The following ADK variants were observed in gnomAD, a reference collection of about 807,000 sequenced individuals.
ADK encodes N6,N6-dimethyladenosine kinase.
ADK carries 24 observed loss-of-function variants against 44.7 expected under a neutral mutation model. The ratio of observed to expected loss-of-function variants is 0.54; its 90% confidence interval spans 0.39 to 0.76. The LOEUF (loss-of-function observed/expected upper bound fraction) is 0.76. Among genes scored for constraint, ADK ranks in the 30% least tolerant of loss-of-function variants. ADK has a pLI of 0.00. For synonymous variants in ADK, 128 were observed against 142.6 expected (o/e 0.90, Z 0.73); for missense variants, 321 against 425.1 (o/e 0.76, Z 2.15).
At chr10:74,401,850 A>G (rs1353388043) in intron 6 of ADK, among the ~76,000 whole-genome samples, 1 of 152,122 alleles carries the variant, frequency 6.6e-6, no homozygotes, top group Admixed American at 6.5e-5. Flanking sequence ...GGTCTTTACA[A>G]TGTAGCATGT....
chr10:74,408,712 C>A (rs1397261642), intron 6 of ADK, among the ~76,000 whole-genome samples: 2 of 151,856 alleles, frequency 1.3e-5, no homozygotes, highest in Non-Finnish European at 2.9e-5. Flanking sequence ...TGTATTCTTA[C>A]AATAAATTAA....
intron 6 of ADK, among the ~76,000 whole-genome samples, chr10:74,467,457 A>ATT (rs1472623960): frequency 6.6e-6 from 1 of 152,132 alleles, no homozygotes; most frequent in African/African-American, 2.4e-5. Context: ...CGTGTCTTTG[A>ATT]TTTCGTAGTT....
intron 10 of ADK, among the ~76,000 whole-genome samples, chr10:74,683,731 A>G (rs765591511): frequency 6.6e-5 from 10 of 152,266 alleles, no homozygotes; most frequent in Non-Finnish European, 1.0e-4. Flanking sequence ...GCATTATTCA[A>G]TTGAAACAAG....
intron 7 of ADK, among the ~76,000 whole-genome samples, chr10:74,568,653 T>A (rs915330320): frequency 2.0e-5 from 3 of 151,584 alleles, no homozygotes; most frequent in African/African-American, 7.3e-5. Flanking sequence ...TTTTTTTTTT[T>A]ACATGTTCTA....
chr10:74,496,534 C>G (rs1847694110), intron 6 of ADK, among the ~76,000 whole-genome samples: 1 of 152,200 alleles, frequency 6.6e-6, no homozygotes, highest in South Asian at 2.1e-4. Flanking sequence ...CATGCTGAAC[C>G]ATGAGTTGAT....
At chr10:74,220,913 A>G (rs1311553496) in intron 2 of ADK, among the ~76,000 whole-genome samples, 1 of 152,018 alleles carries the variant, frequency 6.6e-6, no homozygotes, top group South Asian at 2.1e-4. Flanking sequence ...AGCCAGTATC[A>G]TACTGAATGG....
chr10:74,337,499 A>G (rs1841446170), intron 4 of ADK, among the ~76,000 whole-genome samples: 1 of 152,240 alleles, frequency 6.6e-6, no homozygotes, highest in Admixed American at 6.5e-5. Flanking sequence ...TCCAAAGGAT[A>G]CTGTACAGAC....
chr10:74,276,340 C>G (rs1245341761), intron 3 of ADK, among the ~76,000 whole-genome samples: 1 of 152,174 alleles, frequency 6.6e-6, no homozygotes, highest in Non-Finnish European at 1.5e-5. Context: ...GCTCTCCTTT[C>G]TACTACGTAG....
At chr10:74,447,390 T>G (rs571121639) in intron 6 of ADK, among the ~76,000 whole-genome samples, 2 of 152,148 alleles carry the variant, frequency 1.3e-5, no homozygotes, top group Non-Finnish European at 2.9e-5. Context: ...AGAGTCTGCT[T>G]CTTCTCTTCC....
At chr10:74,450,288 T>A (rs556210113) in intron 6 of ADK, among the ~76,000 whole-genome samples, 1 of 152,310 alleles carries the variant, frequency 6.6e-6, no homozygotes, top group South Asian at 2.1e-4. Context: ...CTTCAGCCTG[T>A]GTGACAGAGT....
chr10:74,406,690 T>C (rs1461233126), intron 6 of ADK, among the ~76,000 whole-genome samples: 1 of 151,826 alleles, frequency 6.6e-6, no homozygotes, highest in African/African-American at 2.4e-5. Context: ...ATTTTTATTT[T>C]TATTTTTTGA....
At chr10:74,400,649 C>T (rs971158884) in intron 6 of ADK, among the ~76,000 whole-genome samples, 1 of 152,134 alleles carries the variant, frequency 6.6e-6, no homozygotes, top group Non-Finnish European at 1.5e-5. Context: ...TCTATGAGGT[C>T]AACAGTCTCA....
intron 4 of ADK, chr10:74,371,501 A>C (rs1842656557): frequency 2.8e-6 from 2 of 712,722 alleles, no homozygotes; most frequent in Non-Finnish European, 4.9e-6. Flanking sequence ...TTCTTTCTGG[A>C]TTCCCATCGT....
chr10:74,283,847 AT>A (rs1349868389), intron 3 of ADK, among the ~76,000 whole-genome samples: 1 of 150,354 alleles, frequency 6.7e-6, no homozygotes, highest in African/African-American at 2.5e-5. Flanking sequence ...CGCCTGGCTA[AT>A]TTTTTGTATT....
Position 74,151,356 on chromosome 10 carries a change from G to C in ADK, c.65+13G>C. On this transcript the variant is annotated intron_variant, in intron 1 of 10. Coordinates refer to ENST00000539909, the MANE Select transcript of ADK (RefSeq NM_006721.4). Reference sequence around the variant, plus strand: ...CGCAAGCGCTGAGGTGAGCGCTGCCGGACTTGGGGAGGAGGGTGACGGCGC... The same window carrying C: ...CGCAAGCGCTGAGGTGAGCGCTGCCCGACTTGGGGAGGAGGGTGACGGCGC... 1 of 1,549,470 alleles carries C rather than the reference G, an allele frequency of 6.5e-7. No individual in the cohort carries two copies. The highest frequency in any genetic ancestry group is 8.7e-7 in the Non-Finnish European group (1 of 1,146,730).
intron 1 of ADK, among the ~76,000 whole-genome samples, chr10:74,178,757 TGTCA>T (rs1304531503): frequency 2.6e-5 from 4 of 152,232 alleles, no homozygotes; most frequent in African/African-American, 9.6e-5. Context: ...TTTCTTCAGA[TGTCA>T]GTCTGTATTT....
chr10:74,706,023 AT>A (rs1856593525), intron 10 of ADK, among the ~76,000 whole-genome samples: 1 of 152,158 alleles, frequency 6.6e-6, no homozygotes, highest in Non-Finnish European at 1.5e-5. Context: ...AGTTCAGATT[AT>A]TTTTTCTTCT....
chr10:74,658,258 A>G (rs981888649), intron 9 of ADK, among the ~76,000 whole-genome samples: 1 of 152,206 alleles, frequency 6.6e-6, no homozygotes, highest in Non-Finnish European at 1.5e-5. Flanking sequence ...ATCATCAGAA[A>G]AAAATATTGC....
At chr10:74,359,510 C>G (rs910633411) in intron 4 of ADK, among the ~76,000 whole-genome samples, 1 of 151,990 alleles carries the variant, frequency 6.6e-6, no homozygotes, top group Non-Finnish European at 1.5e-5. Context: ...GGATTCAAGA[C>G]CAGCCTAGGC....
Sources: gnomAD v4.1 joint callset for allele counts (sites outside exome capture counted in the v4.1 genomes callset) on GRCh38, gnomAD v4.1.1 for gene constraint, MANE v1.5 for transcripts, NCBI Gene and HGNC (gene_info 2026-07-23, HGNC 2026-07-21) for gene names.